TMEM156: variants seen among roughly 807,000 people sequenced by gnomAD.
The protein encoded by TMEM156 is transmembrane protein 156.
TMEM156 carries 28 observed loss-of-function variants against 30.5 expected under a neutral mutation model. The ratio of observed to expected loss-of-function variants is 0.92; its 90% CI spans 0.68 to 1.26. TMEM156 has a LOEUF of 1.26. Ranked by LOEUF, TMEM156 falls within the 50% of genes most tolerant of loss-of-function variation. TMEM156 has a pLI of 0.00. For synonymous variants in TMEM156, 137 were observed against 119.9 expected, an observed-to-expected ratio of 1.14 and a Z score of -0.93; for missense variants, 351 against 340.6, an observed-to-expected ratio of 1.03 and a Z score of -0.24.
intron 5 of TMEM156, among the ~76,000 whole-genome samples, chr4:38,985,593 C>CT (rs1577522716): frequency 6.6e-6 from 1 of 151,996 alleles, no homozygotes; most frequent in Non-Finnish European, 1.5e-5. Context: ...TTGAAGCTTC[C>CT]TTTTTTTTCT....
intron 5 of TMEM156, among the ~76,000 whole-genome samples, chr4:38,978,331 C>T (rs562680091): frequency 7.2e-5 from 11 of 152,168 alleles, no homozygotes; most frequent in Non-Finnish European, 7.3e-5. Flanking sequence ...CCTCTGTGCC[C>T]TCCACGTCCC....
chr4:39,001,118 C>A (rs1180462035), intron 1 of TMEM156, among the ~76,000 whole-genome samples: 1 of 151,262 alleles, frequency 6.6e-6, no homozygotes, highest in Admixed American at 6.6e-5. Context: ...AAGAAAACAA[C>A]CGACCACTTC....
intron 1 of TMEM156, among the ~76,000 whole-genome samples, chr4:39,016,140 C>G (rs923903318): frequency 6.6e-6 from 1 of 152,026 alleles, no homozygotes; most frequent in East Asian, 1.9e-4. Flanking sequence ...TTTGGGAGGC[C>G]AAGGCAGGCA....
intron 6 of TMEM156, among the ~76,000 whole-genome samples, chr4:38,970,587 T>G (rs1722553195): frequency 6.6e-6 from 1 of 152,212 alleles, no homozygotes. Flanking sequence ...TCAACACTTT[T>G]GACCATACTT....
At chr4:38,986,668 C>T (rs1382870903) in intron 4 of TMEM156, among the ~76,000 whole-genome samples, 1 of 150,920 alleles carries the variant, frequency 6.6e-6, no homozygotes, top group African/African-American at 2.4e-5. Flanking sequence ...ATTAGCTGGG[C>T]GTGGTGGTGC....
Position 38,998,674 on chromosome 4 carries a change from G to A in TMEM156, c.324C>T (p.Asn108=). 1 of 1,612,358 alleles carries A rather than the reference G, an allele frequency of 6.2e-7. No individual in the cohort carries two copies. The highest frequency in any genetic ancestry group is 2.2e-5 in the East Asian group (1 of 44,750). Residue 108 remains asparagine (N), a synonymous_variant, in exon 2 of 7, where the codon AAC becomes AAT. Transcript: ENST00000381938. ...SSCLVCESKG[N]MDFISQEQTS... ...TTTGTTCCTGAGAAATAAAATCCAT[G>A]TTTCCTTTAGACTCACAAACCAAAC...
At chr4:38,978,000 T>C (rs1384076578) in intron 5 of TMEM156, among the ~76,000 whole-genome samples, 2 of 152,212 alleles carry the variant, frequency 1.3e-5, no homozygotes, top group Non-Finnish European at 2.9e-5. Flanking sequence ...TAACCTCAAC[T>C]CATCTTTCCC....
intron 1 of TMEM156, among the ~76,000 whole-genome samples, chr4:39,011,368 G>A (rs113258215): frequency 0.03 from 4,562 of 152,308 alleles, 238 homozygotes; most frequent in African/African-American, 0.1. Context: ...AAATAGAATT[G>A]TCATTTGACC....
intron 5 of TMEM156, among the ~76,000 whole-genome samples, chr4:38,977,914 C>T (rs143266885): frequency 6.6e-6 from 1 of 152,328 alleles, no homozygotes; most frequent in African/African-American, 2.4e-5. Flanking sequence ...CCCTCGGATG[C>T]TTCTTCTTTT....
intron 5 of TMEM156, among the ~76,000 whole-genome samples, chr4:38,977,297 AAAAGCCAAACCGCTGGTTTGGCTGGTGTT>A (rs1722903928): frequency 6.6e-6 from 1 of 152,248 alleles, no homozygotes; most frequent in Non-Finnish European, 1.5e-5. Flanking sequence ...CTTTTCGTTG[AAAAGCCAAACCGCTGGTTTGGCTGGTGTT>A]TGCTGGTGTT....
intron 1 of TMEM156, among the ~76,000 whole-genome samples, chr4:39,000,777 C>T (rs1298145568): frequency 2.0e-5 from 3 of 151,974 alleles, no homozygotes; most frequent in Non-Finnish European, 4.4e-5. Flanking sequence ...GTCCCAGCTA[C>T]TCAGGAGGCC....
At position 38,988,898 on chromosome 4, in the gene TMEM156, G is replaced by T. The variant is rs747753222; in HGVS notation, c.692C>A (p.Thr231Asn). The T allele has an allele frequency of 1.1e-5, 17 of 1,614,062 alleles. No individual in the cohort carries two copies. The highest frequency in any genetic ancestry group is 1.4e-5 in the Non-Finnish European group (17 of 1,179,966). Reference protein sequence around the residue: ...LLVFIFLIILTIRKILEGQRR... With the variant: ...LLVFIFLIILNIRKILEGQRR... ...CTGGCCTTCAAGTATTTTGCGGATA[G>T]TGAGGATGATCAAAAATATAAAAAC... is the stretch of plus-strand genomic sequence containing the variant. Residue 231 changes from threonine (T) to asparagine (N), a missense_variant, in exon 4 of 7, where the codon ACT becomes AAT. Physicochemically the swap from Thr to Asn is moderately conservative, Grantham distance 65. Coordinates refer to ENST00000381938, the MANE Select transcript of TMEM156 (RefSeq NM_024943.3).
chr4:39,004,271 T>C (rs1178640585), intron 1 of TMEM156, among the ~76,000 whole-genome samples: 3 of 152,150 alleles, frequency 2.0e-5, no homozygotes, highest in Non-Finnish European at 2.9e-5. Flanking sequence ...CTGAACAGAA[T>C]TGGGAAAATA....
chr4:38,990,699 A>T (rs532801106), intron 3 of TMEM156, among the ~76,000 whole-genome samples: 1 of 152,154 alleles, frequency 6.6e-6, no homozygotes, highest in South Asian at 2.1e-4. Flanking sequence ...AACAGTTTAA[A>T]TTATTATCTC....
At chr4:39,000,252 C>T (rs897819557) in intron 1 of TMEM156, among the ~76,000 whole-genome samples, 1 of 151,950 alleles carries the variant, frequency 6.6e-6, no homozygotes, top group Non-Finnish European at 1.5e-5. Flanking sequence ...ATTAGCCAGG[C>T]GGGGTGGTGC....
intron 1 of TMEM156, among the ~76,000 whole-genome samples, chr4:39,030,819 A>T (rs1715465989): frequency 6.6e-6 from 1 of 152,216 alleles, no homozygotes; most frequent in African/African-American, 2.4e-5. Flanking sequence ...ACAATATCTT[A>T]AAAATAGATT....
Position 38,998,864 on chromosome 4 carries a change from T to C in TMEM156, c.134A>G (p.Asn45Ser). The C allele has an allele frequency of 6.2e-7, 1 of 1,613,778 alleles. No individual in the cohort carries two copies. Among genetic ancestry groups the C allele is most frequent in the Middle Eastern group, 1.7e-4 (1 of 6,056 alleles). The change falls in exon 2 of 7, where the codon AAT becomes AGT. Residue 45 changes from asparagine (N) to serine (S), a missense_variant. Asn to Ser is a conservative substitution (Grantham distance 46). Transcript: ENST00000381938. ...TAAGGAGGAGAGTGAATAGGTAAAA[T>C]TAGATTGCAAACACACTTCCAGACA... Reference protein sequence around the residue: ...LSCLEVCLQSNFTYSLSSLNF... With the variant: ...LSCLEVCLQSSFTYSLSSLNF...
intron 6 of TMEM156, among the ~76,000 whole-genome samples, chr4:38,969,409 C>G (rs1471757675): frequency 6.6e-6 from 1 of 152,124 alleles, no homozygotes; most frequent in Admixed American, 6.5e-5. Context: ...GCATATGGCA[C>G]GATTTCATTT....
intron 1 of TMEM156, among the ~76,000 whole-genome samples, chr4:39,022,306 T>C (rs746074591): frequency 6.6e-6 from 1 of 152,234 alleles, no homozygotes; most frequent in African/African-American, 2.4e-5. Context: ...CCAGACATAA[T>C]TTGTGCTAGA....
Sources: gnomAD v4.1 joint callset for allele counts (sites outside exome capture counted in the v4.1 genomes callset) on GRCh38, gnomAD v4.1.1 for gene constraint, MANE v1.5 for transcripts, NCBI Gene and HGNC (gene_info 2026-07-23, HGNC 2026-07-21) for gene names.